Variants in NF1 observed in about 807,000 individuals in gnomAD.
NF1 encodes the protein neurofibromin 1, also known as neurofibromin.
In NF1, 122 loss-of-function variants were observed where a neutral mutation model predicts 325.7. That is an observed-to-expected ratio of 0.37 (90% CI 0.32 to 0.44). NF1 has a LOEUF of 0.44. Ranked by LOEUF, NF1 falls within the 20% of genes least tolerant of loss-of-function variation. The pLI, the probability that NF1 is intolerant of heterozygous loss-of-function variation, is 1.00. For synonymous variants in NF1, 1,091 were observed against 1,186.0 expected (o/e 0.92, Z 1.65); for missense variants, 2,140 against 3,415.4 (o/e 0.63, Z 9.31).
At chr17:31,371,619 C>G (rs1231252065) in intron 57 of NF1, among the ~76,000 whole-genome samples, 1 of 152,190 alleles carries the variant, frequency 6.6e-6, no homozygotes, top group Non-Finnish European at 1.5e-5. Flanking sequence ...TTCTAGTCAT[C>G]TTTCTATGCA....
At chr17:31,102,183 CAT>C (rs1410145335) in intron 1 of NF1, among the ~76,000 whole-genome samples, 1 of 152,164 alleles carries the variant, frequency 6.6e-6, no homozygotes, top group East Asian at 1.9e-4. Context: ...ATAGAGCAAA[CAT>C]GTTTTTTGAA....
At position 31,315,758 on chromosome 17, in the gene NF1, C is replaced by T. The variant is rs560059221; in HGVS notation, c.4836-10062C>T. Reference sequence around the variant, plus strand: ...ATAGTAGGTACGGAATGTGTTAACCCATGCACTGCTTTTTCCTGGTCACTG... The same window carrying T: ...ATAGTAGGTACGGAATGTGTTAACCTATGCACTGCTTTTTCCTGGTCACTG... On this transcript the variant is annotated intron_variant, in intron 36 of 57. Coordinates refer to ENST00000358273, the MANE Select transcript of NF1 (RefSeq NM_001042492.3). Among the ~76,000 whole-genome samples, 611 of 152,256 alleles carry T rather than the reference C, an allele frequency of 4.0e-3. 2 individuals carry two copies. Among genetic ancestry groups the T allele is most frequent in the Non-Finnish European group, 6.8e-3 (466 of 68,034 alleles).
intron 57 of NF1, chr17:31,367,138 A>C (rs890793026): frequency 5.0e-5 from 35 of 698,082 alleles, no homozygotes; most frequent in Admixed American, 1.2e-4. Flanking sequence ...GAACATTATA[A>C]TTATCTAGTA....
At chr17:31,167,485 A>G (rs1263021725) in intron 4 of NF1, among the ~76,000 whole-genome samples, 2 of 152,240 alleles carry the variant, frequency 1.3e-5, no homozygotes, top group Non-Finnish European at 2.9e-5. Context: ...AAATTGCACT[A>G]AATGATTGAA....
At chr17:31,137,514 A>G (rs1054844778) in intron 1 of NF1, 1 of 152,172 alleles carries the variant, frequency 6.6e-6, no homozygotes, top group South Asian at 2.1e-4. Context: ...AAACCTGTTA[A>G]TCTGTTCAGT....
At chr17:31,182,431 C>T in intron 7 of NF1, 77 bp from the exon 8 acceptor site, 4 of 1,444,708 alleles carry the variant, frequency 2.8e-6, no homozygotes, top group Non-Finnish European at 3.8e-6. Context: ...TGGGTTTTTA[C>T]ATAGTGTCAG....
At chr17:31,116,983 A>C (rs1441852228) in intron 1 of NF1, among the ~76,000 whole-genome samples, 1 of 149,690 alleles carries the variant, frequency 6.7e-6, no homozygotes, top group Non-Finnish European at 1.5e-5. Context: ...GGCTCATTTT[A>C]TTTTTATTAT....
intron 29 of NF1, among the ~76,000 whole-genome samples, chr17:31,239,001 C>T (rs2067249558): frequency 6.6e-6 from 1 of 152,156 alleles, no homozygotes; most frequent in African/African-American, 2.4e-5. Context: ...GTTCCTATGA[C>T]CCAATACATC....
chr17:31,224,108 G>A (rs1260331356), intron 16 of NF1, among the ~76,000 whole-genome samples: 1 of 152,050 alleles, frequency 6.6e-6, no homozygotes, highest in Non-Finnish European at 1.5e-5. Flanking sequence ...AAACAGTTGA[G>A]GGTCCTCAAT....
At chr17:31,116,375 C>T (rs552847250) in intron 1 of NF1, among the ~76,000 whole-genome samples, 1 of 151,798 alleles carries the variant, frequency 6.6e-6, no homozygotes, top group Non-Finnish European at 1.5e-5. Context: ...TTATGCTAAC[C>T]CTGCATAAAA....
chr17:31,149,699 C>T (rs1246128808), intron 1 of NF1, among the ~76,000 whole-genome samples: 2 of 152,114 alleles, frequency 1.3e-5, no homozygotes, highest in Admixed American at 6.5e-5. Context: ...AGTCCACTAA[C>T]CAGATCGTCC....
intron 1 of NF1, among the ~76,000 whole-genome samples, chr17:31,128,116 A>AT (rs546185681): frequency 0.042 from 4,700 of 112,042 alleles, 208 homozygotes; most frequent in African/African-American, 0.12. Flanking sequence ...TGATTTTTGT[A>AT]TTTTTTTTTT....
At chr17:31,182,321 T>C (rs2066152283) in intron 7 of NF1, among the ~76,000 whole-genome samples, 187 bp from the exon 8 acceptor site, 1 of 152,178 alleles carries the variant, frequency 6.6e-6, no homozygotes, top group Non-Finnish European at 1.5e-5. Context: ...ATAGCTCTTC[T>C]AACACATAGA....
At position 31,244,423 on chromosome 17, in the gene NF1, A is replaced by G. The variant is rs556333277; in HGVS notation, c.3975-4561A>G. On this transcript the variant is annotated intron_variant, in intron 29 of 57. Coordinates refer to ENST00000358273, the MANE Select transcript of NF1 (RefSeq NM_001042492.3). ...TCCTTGTGGGCCTAGACTGCCTTTC[A>G]AGTTTATTTAGGACCTCAGGGCACT... Among the ~76,000 whole-genome samples, 3 of 151,484 alleles carry G rather than the reference A, an allele frequency of 2.0e-5. No individual in the cohort carries two copies. In the South Asian group the frequency reaches 6.3e-4, roughly 32 times the overall value.
intron 13 of NF1, among the ~76,000 whole-genome samples, chr17:31,218,199 A>T (rs1253865815): frequency 6.6e-6 from 1 of 152,184 alleles, no homozygotes; most frequent in Non-Finnish European, 1.5e-5. Context: ...GTATAAGCTC[A>T]AAACCAGTAA....
At chr17:31,349,811 A>G (rs2070094680) in intron 49 of NF1, among the ~76,000 whole-genome samples, 1 of 152,172 alleles carries the variant, frequency 6.6e-6, no homozygotes, top group African/African-American at 2.4e-5. Context: ...GTACAATACA[A>G]TTCTTGAACA....
intron 5 of NF1, among the ~76,000 whole-genome samples, chr17:31,176,827 G>T (rs2066031448): frequency 6.6e-6 from 1 of 152,086 alleles, no homozygotes; most frequent in African/African-American, 2.4e-5. Flanking sequence ...TAGATGTGTG[G>T]TGTTATTTCT....
At chr17:31,099,156 T>A (rs1411627946) in intron 1 of NF1, among the ~76,000 whole-genome samples, 2 of 152,090 alleles carry the variant, frequency 1.3e-5, no homozygotes, top group Admixed American at 1.3e-4. Flanking sequence ...TTGGTTGGAT[T>A]TCTAATATTC....
At position 31,229,273 on chromosome 17, in the gene NF1, C is replaced by A. The variant is rs781549970; in HGVS notation, c.2658C>A (p.Asn886Lys). ...SMISVMSSEG[N>K]ADTPVSKFMD... ...TTTCAGTGATGTCTTCAGAGGGAAA[C>A]GCAGATACACCTGTCAGCAAATTTA... The change falls in exon 21 of 58, where the codon AAC becomes AAA. Residue 886 changes from asparagine (N) to lysine (K), a missense_variant. Asn to Lys is a moderately conservative substitution (Grantham distance 94, BLOSUM62 0). Coordinates refer to ENST00000358273, the MANE Select transcript of NF1 (RefSeq NM_001042492.3). The A allele has an allele frequency of 6.2e-7, 1 of 1,613,472 alleles. No homozygotes were observed. The highest frequency in any genetic ancestry group is 1.3e-5 in the African/African-American group (1 of 74,918).
Sources: allele counts gnomAD v4.1 joint callset (sites outside exome capture counted in the v4.1 genomes callset), GRCh38; gene constraint gnomAD v4.1.1; transcripts MANE v1.5; gene names NCBI Gene and HGNC (gene_info 2026-07-23, HGNC 2026-07-21).